Variants in PIBF1 observed in about 807,000 individuals in gnomAD.
PIBF1 encodes progesterone immunomodulatory binding factor 1, also known as progesterone-induced-blocking factor 1.
A neutral mutation model predicts 112.5 loss-of-function variants in PIBF1; 90 were observed. The ratio of observed to expected loss-of-function variants is 0.80; its 90% confidence interval spans 0.67 to 0.95. The LOEUF is 0.95. Ranked by LOEUF, PIBF1 falls within the 40% of genes least tolerant of loss-of-function variation. The probability of loss-of-function intolerance (pLI) is 0.00; values close to 1 mark genes in which losing one functional copy is unlikely to be tolerated. For synonymous variants in PIBF1, 301 were observed against 288.6 expected, an observed-to-expected ratio of 1.04 and a Z score of -0.44; for missense variants, 915 against 852.3, an observed-to-expected ratio of 1.07 and a Z score of -0.92.
At chr13:72,856,628 CAAAAT>C (rs1319955588) in intron 10 of PIBF1, among the ~76,000 whole-genome samples, 1 of 152,084 alleles carries the variant, frequency 6.6e-6, no homozygotes, top group East Asian at 1.9e-4. Context: ...ATGTAAAACT[CAAAAT>C]AAGCTTAGGC....
At chr13:72,835,193 CTATT>C (rs1180083695) in intron 8 of PIBF1, 46 bp from the exon 9 acceptor site, 2 of 1,425,276 alleles carry the variant, frequency 1.4e-6, no homozygotes, top group Non-Finnish European at 9.3e-7. Flanking sequence ...GTGCAAAAGC[CTATT>C]TGTTTCAAAA....
intron 13 of PIBF1, among the ~76,000 whole-genome samples, chr13:72,919,532 G>A (rs2041219888): frequency 6.6e-6 from 1 of 152,150 alleles, no homozygotes; most frequent in African/African-American, 2.4e-5. Context: ...GTTGCCTAAG[G>A]AAGAATAGAA....
At chr13:72,803,901 A>G (rs2035602557) in intron 5 of PIBF1, among the ~76,000 whole-genome samples, 1 of 152,168 alleles carries the variant, frequency 6.6e-6, no homozygotes, top group Non-Finnish European at 1.5e-5. Context: ...ACAAACCCCT[A>G]ATTTATGAAA....
chr13:72,798,437 A>T (rs558273900), intron 5 of PIBF1, among the ~76,000 whole-genome samples: 2 of 152,166 alleles, frequency 1.3e-5, no homozygotes, highest in African/African-American at 2.4e-5. Context: ...TATGCAGGGG[A>T]TCTCTTGCAG....
At chr13:72,807,805 A>G (rs921569342) in intron 5 of PIBF1, among the ~76,000 whole-genome samples, 1 of 152,200 alleles carries the variant, frequency 6.6e-6, no homozygotes, top group Non-Finnish European at 1.5e-5. Context: ...CCTGCCCCAG[A>G]GTGTAATTTT....
intron 14 of PIBF1, among the ~76,000 whole-genome samples, chr13:72,941,142 T>C (rs191850517): frequency 6.6e-6 from 1 of 152,364 alleles, no homozygotes; most frequent in East Asian, 1.9e-4. Flanking sequence ...AGAGTTTACC[T>C]TGTTTGTTTC....
chr13:72,982,739 C>G (rs547834335), intron 16 of PIBF1, among the ~76,000 whole-genome samples: 1 of 152,092 alleles, frequency 6.6e-6, no homozygotes, highest in Non-Finnish European at 1.5e-5. Flanking sequence ...GCTTTAGAAA[C>G]TGTCATCAAA....
At chr13:72,821,805 TAAGTG>T (rs781420347) in intron 5 of PIBF1, 39 bp from the exon 6 acceptor site, 3 of 1,506,524 alleles carry the variant, frequency 2.0e-6, no homozygotes, top group African/African-American at 2.8e-5. Flanking sequence ...GCAACTATGT[TAAGTG>T]TTTAGTCTGA....
At chr13:72,933,453 A>G (rs529618848) in intron 14 of PIBF1, among the ~76,000 whole-genome samples, 1 of 152,298 alleles carries the variant, frequency 6.6e-6, no homozygotes, top group East Asian at 1.9e-4. Context: ...CTTGAGGTCA[A>G]GAGTTCAAGA....
At chr13:72,997,386 A>G (rs901262482) in intron 16 of PIBF1, among the ~76,000 whole-genome samples, 6 of 152,212 alleles carry the variant, frequency 3.9e-5, no homozygotes, top group African/African-American at 7.2e-5. Flanking sequence ...AGAGTCCCCA[A>G]ATGGCCCAGA....
intron 16 of PIBF1, among the ~76,000 whole-genome samples, chr13:72,990,371 A>G (rs1267928955): frequency 1.3e-5 from 2 of 149,748 alleles, no homozygotes; most frequent in Non-Finnish European, 3.0e-5. Context: ...AAATACAAAA[A>G]TTAGCCAGGT....
At chr13:72,938,075 T>C (rs2041919081) in intron 14 of PIBF1, among the ~76,000 whole-genome samples, 1 of 152,162 alleles carries the variant, frequency 6.6e-6, no homozygotes, top group Non-Finnish European at 1.5e-5. Flanking sequence ...AGTTTTTTTG[T>C]TTTTACATTT....
intron 14 of PIBF1, among the ~76,000 whole-genome samples, chr13:72,946,642 C>G (rs2042155074): frequency 6.6e-6 from 1 of 152,160 alleles, no homozygotes; most frequent in Non-Finnish European, 1.5e-5. Context: ...AGTGGGGGTA[C>G]AGGCATTGGG....
At chr13:72,917,199 A>T in intron 13 of PIBF1, 33 bp downstream of exon 13, 1 of 1,257,868 alleles carries the variant, frequency 7.9e-7, no homozygotes, top group Non-Finnish European at 1.1e-6. Context: ...TTATTTATCT[A>T]CTCAAGATGA....
chr13:72,902,554 A>T (rs2040534559), intron 11 of PIBF1, among the ~76,000 whole-genome samples: 1 of 152,214 alleles, frequency 6.6e-6, no homozygotes, highest in Non-Finnish European at 1.5e-5. Context: ...ATGGAAAGAA[A>T]AAAAGCTGAT....
chr13:72,860,341 G>A (rs1325974868), intron 10 of PIBF1, among the ~76,000 whole-genome samples: 1 of 151,388 alleles, frequency 6.6e-6, no homozygotes, highest in Non-Finnish European at 1.5e-5. Flanking sequence ...GTGTGTGTGT[G>A]TGTGTGTGTG....
chr13:72,916,751 G>A (rs549762820), intron 12 of PIBF1, among the ~76,000 whole-genome samples: 2 of 152,044 alleles, frequency 1.3e-5, no homozygotes, highest in East Asian at 3.9e-4. Flanking sequence ...ATCATTATTT[G>A]TTATATTACA....
chr13:72,962,246 T>G (rs1479306946), intron 14 of PIBF1, among the ~76,000 whole-genome samples: 1 of 152,088 alleles, frequency 6.6e-6, no homozygotes, highest in Non-Finnish European at 1.5e-5. Context: ...AAATTGTATA[T>G]AGTACACTAG....
At chr13:73,006,322 T>A (rs566658274) in intron 17 of PIBF1, among the ~76,000 whole-genome samples, 263 of 152,338 alleles carry the variant, frequency 1.7e-3, no homozygotes, top group African/African-American at 6.0e-3. Context: ...ATTCATTTTT[T>A]AATTTCTAGT....
Sources: gnomAD v4.1 joint callset for allele counts (sites outside exome capture counted in the v4.1 genomes callset) on GRCh38, gnomAD v4.1.1 for gene constraint, MANE v1.5 for transcripts, NCBI Gene and HGNC (gene_info 2026-07-23, HGNC 2026-07-21) for gene names.